Variants in FBXO43 observed in about 807,000 individuals in gnomAD.
FBXO43 encodes the protein F-box protein 43.
A neutral mutation model predicts 56.7 loss-of-function variants in FBXO43; 22 were observed. That is an observed-to-expected ratio of 0.39 (90% confidence interval 0.28 to 0.55). The LOEUF (loss-of-function observed/expected upper bound fraction) is 0.55, where lower values mean the gene tolerates loss of function less well. Among genes scored for constraint, FBXO43 ranks in the 20% least tolerant of loss-of-function variants. The probability of loss-of-function intolerance (pLI) is 0.66; values close to 1 mark genes in which losing one functional copy is unlikely to be tolerated. For synonymous variants in FBXO43, 306 were observed against 294.5 expected, an observed-to-expected ratio of 1.04 and a Z score of -0.40; for missense variants, 733 against 814.9, an observed-to-expected ratio of 0.90 and a Z score of 1.22.
chr8:100,144,628 G>GGA (rs1271507761), intron 1 of FBXO43, among the ~76,000 whole-genome samples: 1 of 113,314 alleles, frequency 8.8e-6, no homozygotes, highest in East Asian at 2.6e-4. Flanking sequence ...TGTTCTTTAA[G>GGA]AAAAAAAAAA....
rs141574425 is a variant in FBXO43 at position 100,134,531 on chromosome 8, C to G, written c.1675-167G>C. 8.3e-3 allele frequency among the ~76,000 whole-genome samples: 1,263 copies of G among 152,080 alleles called. 26 individuals carry two copies. Among genetic ancestry groups the G allele is most frequent in the African/African-American group, 0.028 (1,178 of 41,490 alleles). ...AAAACAAACAAAACAAAAAACCAAC[C>G]TTTTCTCACCTAACATATAAAAGTT... On this transcript the variant is annotated intron_variant, in intron 3 of 4. Coordinates refer to ENST00000428847, the MANE Select transcript of FBXO43 (RefSeq NM_001029860.4).
intron 2 of FBXO43, among the ~76,000 whole-genome samples, chr8:100,139,699 T>G (rs541420564): frequency 1.3e-5 from 2 of 152,368 alleles, no homozygotes; most frequent in South Asian, 4.1e-4. Flanking sequence ...TATTCTGAAA[T>G]TTGTTTCTCC....
upstream of FBXO43, among the ~76,000 whole-genome samples, chr8:100,147,513 G>A (rs1384949708): frequency 1.3e-5 from 2 of 152,242 alleles, no homozygotes; most frequent in Non-Finnish European, 2.9e-5. Context: ...TTAGAGGAAA[G>A]GATTAGAGAA....
In FBXO43 at chr8:100,133,697, A is replaced by G. The variant is rs1483858796; in HGVS notation, c.*105T>C. On this transcript the variant is annotated 3_prime_UTR_variant, in exon 5 of 5. Coordinates refer to ENST00000428847, the MANE Select transcript of FBXO43 (RefSeq NM_001029860.4). ...ATAATATATACAAAATAGGAAATTA[A>G]TCATCACCTGTCATTAATGGGAAGA... is the stretch of plus-strand genomic sequence containing the variant. The G allele has an allele frequency of 1.2e-5, 15 of 1,238,808 alleles. No homozygotes were observed. The highest frequency in any genetic ancestry group is 1.7e-5 in the Non-Finnish European group (15 of 902,676). The allele number at this position is 1,238,808 out of a possible 1,614,324, so 76.7% of individuals were successfully genotyped here. A position where few individuals can be genotyped will look rare whatever the true frequency, so the allele number is the denominator to read the frequency against.
intron 3 of FBXO43, 117 bp downstream of exon 3, chr8:100,137,448 A>C: frequency 1.6e-6 from 1 of 644,106 alleles, no homozygotes; most frequent in Non-Finnish European, 2.6e-6. Flanking sequence ...TTATGAGTGA[A>C]TGTTTGTTAA....
chr8:100,141,405 C>CA lies in FBXO43; in HGVS notation c.848dup (p.Ser285LeufsTer4). ...AAGTTGTTCCACTAACAGAGGAGCC[C>CA]AGGAGCTCTGGACATGCATTCTCAT... is the stretch of plus-strand genomic sequence containing the variant. On this transcript the variant is annotated frameshift_variant, in exon 2 of 5. Coordinates refer to ENST00000428847, the MANE Select transcript of FBXO43 (RefSeq NM_001029860.4). LOFTEE classifies it high-confidence loss of function. The CA allele has an allele frequency of 6.2e-7, 1 of 1,613,526 alleles. No homozygotes were observed. Among genetic ancestry groups the CA allele is most frequent in the South Asian group, 1.1e-5 (1 of 91,068 alleles).
intron 1 of FBXO43, 76 bp downstream of exon 1, chr8:100,144,975 G>T: frequency 7.0e-7 from 1 of 1,431,164 alleles, no homozygotes; most frequent in Non-Finnish European, 9.3e-7. Flanking sequence ...AAAAGAAAAA[G>T]CACCTACCAC....
rs770938371 is a variant in FBXO43 at position 100,137,609 on chromosome 8, G to A, written c.1630C>T (p.Arg544Trp). The A allele has an allele frequency of 1.2e-6, 2 of 1,612,704 alleles. No individual in the cohort carries two copies. Among genetic ancestry groups the A allele is most frequent in the East Asian group, 2.2e-5 (1 of 44,764 alleles). ...EIVVQDKNAN[R>W]RRKFYITQLK... ...TGTGTGATATAAAATTTCCTCCTCC[G>A]ATTTGCATTTTTATCTTGAACAACA... is the stretch of plus-strand genomic sequence containing the variant. The change falls in exon 3 of 5, where the codon CGG (arginine) becomes TGG (tryptophan). Residue 544 changes from arginine to tryptophan, a missense_variant. Transcript: ENST00000428847.
At chr8:100,149,098 A>G (rs868359625), upstream of FBXO43, among the ~76,000 whole-genome samples, 3 of 152,218 alleles carry the variant, frequency 2.0e-5, no homozygotes, top group Non-Finnish European at 4.4e-5. Flanking sequence ...TACACTGACC[A>G]AACTCCCAAG....
At chr8:100,146,289 C>T (rs1814829913), upstream of FBXO43, among the ~76,000 whole-genome samples, 1 of 152,116 alleles carries the variant, frequency 6.6e-6, no homozygotes, top group Non-Finnish European at 1.5e-5. Flanking sequence ...CATGTTTCAA[C>T]AATGAATATA....
Position 100,141,252 on chromosome 8 carries a change from A to G in FBXO43, c.1002T>C (p.Ser334=). 1.2e-6 allele frequency: 2 copies of G among 1,614,146 alleles called. No homozygotes were observed. Among genetic ancestry groups the G allele is most frequent in the Non-Finnish European group, 1.7e-6 (2 of 1,180,006 alleles). Residue 334 remains serine (S), a synonymous_variant, in exon 2 of 5, where the codon AGT becomes AGC. Transcript: ENST00000428847. ...VRGSISTPED[S]GFNSLSLEKS... ...TCTCCAAGCTAAGTGAGTTAAAACC[A>G]CTGTCTTCAGGCGTTGAAATACTGC...
In FBXO43 at chr8:100,141,310, C is replaced by T. The variant is rs1289499842; in HGVS notation, c.944G>A (p.Ser315Asn). Residue 315 changes from serine (S) to asparagine (N), a missense_variant, in exon 2 of 5, where the codon AGT becomes AAT. Coordinates refer to ENST00000428847, the MANE Select transcript of FBXO43 (RefSeq NM_001029860.4). ...NLVANIRFNA[S>N]QILSPSPEVR... ...TTCAGGTGAAGGAGAAAGTATTTGA[C>T]TTGCGTTAAATCTAATGTTTGCCAC... 2 of 1,614,028 alleles carry T rather than the reference C, an allele frequency of 1.2e-6. No homozygotes were observed. Among genetic ancestry groups the T allele is most frequent in the South Asian group, 2.2e-5 (2 of 91,086 alleles).
intron 3 of FBXO43, among the ~76,000 whole-genome samples, chr8:100,135,709 A>T (rs1814449022): frequency 2.6e-5 from 4 of 151,926 alleles, no homozygotes; most frequent in Admixed American, 2.6e-4. Flanking sequence ...GGTTCAAGTG[A>T]TCCTCCCACC....
Position 100,145,228 on chromosome 8 carries a change from C to T in FBXO43, c.-93G>A. ...CATGATTGCTCAAAGTCGAAGGGTACACAGGGTGCATGCCGCAGGGATTAT... is the reference window on the plus strand; with the variant it reads ...CATGATTGCTCAAAGTCGAAGGGTATACAGGGTGCATGCCGCAGGGATTAT... On this transcript the variant is annotated 5_prime_UTR_variant, in exon 1 of 5. Transcript: ENST00000428847. 1.0e-6 allele frequency: 1 copy of T among 984,102 alleles called. No homozygotes were observed. Among genetic ancestry groups the T allele is most frequent in the Non-Finnish European group, 1.5e-6 (1 of 666,116 alleles). 61.0% of individuals were successfully genotyped at this position (984,102 alleles called of 1,614,324 possible).
chr8:100,148,973 T>C (rs373662107), upstream of FBXO43, among the ~76,000 whole-genome samples: 7 of 152,226 alleles, frequency 4.6e-5, no homozygotes, highest in Admixed American at 1.3e-4. Context: ...GTTAAAAGCA[T>C]TGTTTTCCAG....
rs1198971594 is a variant in FBXO43 at position 100,145,420 on chromosome 8, C to G, written c.-285G>C. ...TGCTGCAGCCTGGCACTGACTCCCCCGAGGAGCTATGGCGGGCGGGTGGGT... is the reference window on the plus strand; with the variant it reads ...TGCTGCAGCCTGGCACTGACTCCCCGGAGGAGCTATGGCGGGCGGGTGGGT... On this transcript the variant is annotated 5_prime_UTR_variant, in exon 1 of 5. Transcript: ENST00000428847. The G allele has an allele frequency of 3.6e-6, 1 of 280,960 alleles. No individual in the cohort carries two copies. The highest frequency in any genetic ancestry group is 2.2e-5 in the African/African-American group (1 of 45,678). The allele number at this position is 280,960 out of a possible 1,614,324, so 17.4% of individuals were successfully genotyped here.
At chr8:100,145,901 C>A, upstream of FBXO43, 1 of 152,992 alleles carries the variant, frequency 6.5e-6, no homozygotes, top group South Asian at 2.0e-4. Context: ...CTGCAGCGCT[C>A]CCGCCCGGCC....
upstream of FBXO43, chr8:100,145,910 C>A (rs1031350770): frequency 1.3e-5 from 2 of 152,820 alleles, no homozygotes; most frequent in Non-Finnish European, 1.5e-5. Context: ...TCCCGCCCGG[C>A]CGCCCGCAGG....
chr8:100,139,939 C>T (rs143774512), intron 2 of FBXO43, among the ~76,000 whole-genome samples: 1 of 152,310 alleles, frequency 6.6e-6, no homozygotes, highest in East Asian at 1.9e-4. Flanking sequence ...TGTACACTGT[C>T]ATTTCTCGGT....
Sources: gnomAD v4.1 joint callset for allele counts (sites outside exome capture counted in the v4.1 genomes callset) on GRCh38, gnomAD v4.1.1 for gene constraint, MANE v1.5 for transcripts, NCBI Gene and HGNC (gene_info 2026-07-23, HGNC 2026-07-21) for gene names.